FAT3: variants seen among roughly 807,000 people sequenced by gnomAD.
FAT3 encodes the protein FAT atypical cadherin 3.
A neutral mutation model predicts 310.2 loss-of-function variants in FAT3; 95 were observed. The ratio of observed to expected loss-of-function variants is 0.31; its 90% CI spans 0.26 to 0.36. The LOEUF is 0.36. Ranked by LOEUF, FAT3 falls within the 10% of genes least tolerant of loss-of-function variation. The pLI is 1.00. For synonymous variants in FAT3, 2,314 were observed against 2,192.9 expected (o/e 1.06, Z -1.54); for missense variants, 5,408 against 5,715.6 (o/e 0.95, Z 1.74).
intron 3 of FAT3, among the ~76,000 whole-genome samples, chr11:92,596,822 G>A (rs1476612437): frequency 1.3e-5 from 2 of 152,174 alleles, no homozygotes; most frequent in African/African-American, 2.4e-5. Flanking sequence ...CAGTTACTGT[G>A]TAGCTCTCTC....
At chr11:92,330,376 T>C (rs1162288670) in intron 1 of FAT3, among the ~76,000 whole-genome samples, 1 of 152,246 alleles carries the variant, frequency 6.6e-6, no homozygotes, top group Non-Finnish European at 1.5e-5. Flanking sequence ...CTAGCAGAGC[T>C]ATCTGTGTGC....
chr11:92,743,314 A>G (rs1477635409), intron 4 of FAT3, among the ~76,000 whole-genome samples: 6 of 152,184 alleles, frequency 3.9e-5, no homozygotes, highest in Non-Finnish European at 7.3e-5. Context: ...AGGAGCCAGT[A>G]AAGACCTTTC....
intron 22 of FAT3, among the ~76,000 whole-genome samples, chr11:92,873,978 A>C (rs991190697): frequency 1.3e-5 from 2 of 152,212 alleles, no homozygotes; most frequent in Admixed American, 1.3e-4. Context: ...TCTCATTTGT[A>C]AAATAACTAT....
chr11:92,705,724 T>TG (rs1944305635), intron 4 of FAT3, among the ~76,000 whole-genome samples: 1 of 74,728 alleles, frequency 1.3e-5, no homozygotes, highest in African/African-American at 5.5e-5. Context: ...GTGGTGGTGG[T>TG]GTGATGGTGT....
At chr11:92,360,843 G>A (rs1948862176) in intron 2 of FAT3, among the ~76,000 whole-genome samples, 1 of 152,180 alleles carries the variant, frequency 6.6e-6, no homozygotes, top group Non-Finnish European at 1.5e-5. Context: ...AGGGATCACT[G>A]AGGCTTGCCC....
At chr11:92,877,583 G>A (rs1949562687) in intron 22 of FAT3, among the ~76,000 whole-genome samples, 2 of 152,276 alleles carry the variant, frequency 1.3e-5, no homozygotes, top group African/African-American at 4.8e-5. Context: ...CCTCTGAACA[G>A]ACGATAAGAT....
In FAT3 at chr11:92,889,805, C is replaced by T. The variant is rs1157401103; in HGVS notation, c.13112-51C>T. 46 of 717,452 alleles carry T rather than the reference C, an allele frequency of 6.4e-5. 1 individual carries two copies. Among genetic ancestry groups the T allele is most frequent in the Admixed American group, 1.0e-4 (5 of 50,010 alleles). The allele number at this position is 717,452 out of a possible 1,614,324, so 44.4% of individuals were successfully genotyped here. ...ATCTCAAATGTTCTGTTTTATCCCT[C>T]TTCACATGGTTTGGACTGTCAGTTT... is the stretch of plus-strand genomic sequence containing the variant. On this transcript the variant is annotated intron_variant, in intron 26 of 27. Coordinates refer to ENST00000525166, the MANE Select transcript of FAT3 (RefSeq NM_001367949.2).
chr11:92,349,252 G>A (rs11019917), intron 1 of FAT3, among the ~76,000 whole-genome samples: 1 of 152,316 alleles, frequency 6.6e-6, no homozygotes, highest in East Asian at 1.9e-4. Context: ...TTGAGAGAGT[G>A]TAACCTAACC....
chr11:92,765,160 A>G (rs1192777045), intron 6 of FAT3, 71 bp downstream of exon 6: 38 of 1,338,124 alleles, frequency 2.8e-5, no homozygotes, highest in Non-Finnish European at 3.3e-5. Context: ...AAAAAAAAAA[A>G]AAAGAAAGAA....
chr11:92,614,086 C>T (rs1940692825), intron 3 of FAT3, among the ~76,000 whole-genome samples: 1 of 152,032 alleles, frequency 6.6e-6, no homozygotes, highest in African/African-American at 2.4e-5. Context: ...TTCATTCTTT[C>T]ATATTGTAGA....
At chr11:92,836,994 G>A (rs1433114191) in intron 16 of FAT3, among the ~76,000 whole-genome samples, 1 of 152,062 alleles carries the variant, frequency 6.6e-6, no homozygotes, top group Non-Finnish European at 1.5e-5. Context: ...TACTTTCAGG[G>A]TGTTGGGACC....
chr11:92,884,361 G>A (rs535303250), intron 24 of FAT3, among the ~76,000 whole-genome samples: 97 of 152,298 alleles, frequency 6.4e-4, no homozygotes, highest in African/African-American at 2.0e-3. Flanking sequence ...AGAAAGCAGA[G>A]GGCCAGTAAG....
At chr11:92,596,855 C>G (rs1939735773) in intron 3 of FAT3, among the ~76,000 whole-genome samples, 1 of 152,140 alleles carries the variant, frequency 6.6e-6, no homozygotes, top group South Asian at 2.1e-4. Context: ...CCCAGTGTTA[C>G]TAAGAGTTTG....
intron 1 of FAT3, among the ~76,000 whole-genome samples, chr11:92,307,003 C>T (rs186827413): frequency 6.6e-6 from 1 of 150,546 alleles, no homozygotes; most frequent in Non-Finnish European, 1.5e-5. Flanking sequence ...CTCTATGTTG[C>T]CCAGGCTGAT....
intron 3 of FAT3, among the ~76,000 whole-genome samples, chr11:92,642,837 A>G (rs1410058624): frequency 6.6e-6 from 1 of 152,204 alleles, no homozygotes; most frequent in African/African-American, 2.4e-5. Context: ...ACTCTTAAGC[A>G]TATCCTTCTC....
chr11:92,232,740 A>G (rs575759046), intron 1 of FAT3, among the ~76,000 whole-genome samples: 2 of 146,856 alleles, frequency 1.4e-5, no homozygotes, highest in African/African-American at 5.1e-5. Context: ...TCTTGTAAAC[A>G]TTATGAAGCA....
chr11:92,684,772 C>T (rs892628689), intron 3 of FAT3, among the ~76,000 whole-genome samples: 13 of 152,264 alleles, frequency 8.5e-5, no homozygotes, highest in African/African-American at 2.6e-4. Context: ...CCCATAGAGC[C>T]GGTATTTGCA....
At chr11:92,724,810 C>G (rs574243913) in intron 4 of FAT3, among the ~76,000 whole-genome samples, 1 of 152,260 alleles carries the variant, frequency 6.6e-6, no homozygotes, top group South Asian at 2.1e-4. Context: ...TTTTGATTTC[C>G]TAAAGTACAC....
intron 2 of FAT3, among the ~76,000 whole-genome samples, chr11:92,479,543 C>T (rs1342305445): frequency 6.6e-6 from 1 of 152,140 alleles, no homozygotes; most frequent in Non-Finnish European, 1.5e-5. Context: ...TCATGCAGGC[C>T]TTGAATGGCC....
Sources: allele counts gnomAD v4.1 joint callset (sites outside exome capture counted in the v4.1 genomes callset), GRCh38; gene constraint gnomAD v4.1.1; transcripts MANE v1.5; gene names NCBI Gene and HGNC (gene_info 2026-07-23, HGNC 2026-07-21).